Variants in ADGRD1 observed in about 807,000 individuals in gnomAD.
ADGRD1 encodes G-protein coupled receptor 133.
A neutral mutation model predicts 113.4 loss-of-function variants in ADGRD1; 77 were observed. That is an observed-to-expected ratio of 0.68 (90% CI 0.57 to 0.82). The LOEUF is 0.82. Among genes scored for constraint, ADGRD1 ranks in the 40% least tolerant of loss-of-function variants. The probability of loss-of-function intolerance (pLI) is 0.00; values close to 1 mark genes in which losing one functional copy is unlikely to be tolerated. For synonymous variants in ADGRD1, 474 were observed against 475.0 expected (o/e 1.00, Z 0.03); for missense variants, 1,036 against 1,139.1 (o/e 0.91, Z 1.30).
In ADGRD1 at chr12:131,041,007, C is replaced by T. The variant is rs1309381888; in HGVS notation, c.1473+26667C>T. On this transcript the variant is annotated intron_variant, in intron 13 of 24. Transcript: ENST00000261654. This position sits in a 1 kb window ranked among gnomAD's most constrained non-coding sequence, Gnocchi z 4.4. Reference sequence around the variant, plus strand: ...AGGACAGTGGGGCTGAATGGTGGCCCCCCCGGAGTTTGCCATCATCCCCAC... The same window carrying T: ...AGGACAGTGGGGCTGAATGGTGGCCTCCCCGGAGTTTGCCATCATCCCCAC... Among the ~76,000 whole-genome samples the T allele has an allele frequency of 2.0e-5, 3 of 152,172 alleles. No individual in the cohort carries two copies. Among genetic ancestry groups the T allele is most frequent in the Admixed American group, 6.5e-5 (1 of 15,284 alleles).
chr12:131,110,860 C>A (rs1033701795), intron 18 of ADGRD1, among the ~76,000 whole-genome samples: 1 of 152,152 alleles, frequency 6.6e-6, no homozygotes, highest in African/African-American at 2.4e-5. Context: ...CTTTATTTCA[C>A]CTTCATTTTT....
chr12:131,011,451 T>A (rs2136791880), intron 12 of ADGRD1, among the ~76,000 whole-genome samples: 1 of 152,226 alleles, frequency 6.6e-6, no homozygotes, highest in African/African-American at 2.4e-5. Context: ...CATCGCCGCT[T>A]GCCTGTGAGT....
intron 13 of ADGRD1, among the ~76,000 whole-genome samples, chr12:131,072,138 G>C (rs970018423): frequency 1.3e-5 from 2 of 151,398 alleles, no homozygotes; most frequent in African/African-American, 4.9e-5. Flanking sequence ...TTGCAGGCTG[G>C]CACCTGTGCA....
At chr12:131,033,831 G>A (rs1006924924) in intron 13 of ADGRD1, among the ~76,000 whole-genome samples, 7 of 152,168 alleles carry the variant, frequency 4.6e-5, no homozygotes, top group Non-Finnish European at 7.4e-5. Flanking sequence ...CCTGAGCCGC[G>A]TGGGTGAAGG....
chr12:130,997,348 A>T (rs1469893265), intron 8 of ADGRD1, among the ~76,000 whole-genome samples: 22 of 141,584 alleles, frequency 1.6e-4, no homozygotes, highest in Non-Finnish European at 2.4e-4. Context: ...CCGGGCGGAG[A>T]CGCTCCTCAC....
chr12:131,071,453 C>CATGTGAGTGGGAAGGGTA (rs1885164175), intron 13 of ADGRD1, among the ~76,000 whole-genome samples: 1 of 152,018 alleles, frequency 6.6e-6, no homozygotes, highest in South Asian at 2.1e-4. Flanking sequence ...GGGAAGGTGT[C>CATGTGAGTGGGAAGGGTA]ATGTGAGTGG....
intron 20 of ADGRD1, chr12:131,121,990 C>T (rs1950607551): frequency 6.6e-6 from 1 of 152,414 alleles, no homozygotes; most frequent in African/African-American, 2.4e-5. Context: ...ACACCAGGAG[C>T]TGCTGGTATG....
chr12:131,067,061 GTTAGC>G (rs1181040924), intron 13 of ADGRD1, among the ~76,000 whole-genome samples: 1 of 152,100 alleles, frequency 6.6e-6, no homozygotes, highest in East Asian at 1.9e-4. Flanking sequence ...AGTGGAGGAT[GTTAGC>G]TTCAGGTCTG....
At chr12:131,095,138 G>A (rs1382534029) in intron 15 of ADGRD1, among the ~76,000 whole-genome samples, 1 of 152,238 alleles carries the variant, frequency 6.6e-6, no homozygotes, top group Non-Finnish European at 1.5e-5. Context: ...CTCTCAGGCT[G>A]CTGGCCACCT....
chr12:131,042,300 A>G (rs1882214786), intron 13 of ADGRD1, among the ~76,000 whole-genome samples: 1 of 152,054 alleles, frequency 6.6e-6, no homozygotes, highest in Non-Finnish European at 1.5e-5. Context: ...CATCATCCCG[A>G]CAAGCCTCCC....
intron 15 of ADGRD1, among the ~76,000 whole-genome samples, chr12:131,095,971 C>CT (rs1887250806): frequency 2.6e-5 from 4 of 151,644 alleles, no homozygotes; most frequent in Non-Finnish European, 2.9e-5. Flanking sequence ...AGTGTGGAAA[C>CT]TGACGGTCAC....
Position 130,969,067 on chromosome 12 carries a change from C to T in ADGRD1, c.188-2391C>T, listed in dbSNP as rs575668001. On this transcript the variant is annotated intron_variant, in intron 3 of 24. Coordinates refer to ENST00000261654, the MANE Select transcript of ADGRD1 (RefSeq NM_198827.5). ...TCTGCCTACTCAAATCTCTCTGCAACTGTAGGTGAGCATTTATGTACTTTT... is the reference window on the plus strand; with the variant it reads ...TCTGCCTACTCAAATCTCTCTGCAATTGTAGGTGAGCATTTATGTACTTTT... The T allele has an allele frequency of 1.0e-5, 15 of 1,492,530 alleles. No homozygotes were observed. The African/African-American group carries it at 1.9e-4, about 19-fold the overall frequency. The allele number at this position is 1,492,530 out of a possible 1,614,324, so 92.5% of individuals were successfully genotyped here.
rs1406356082 is a variant in ADGRD1, at chr12:131,108,862, T to A, written c.2026T>A (p.Tyr676Asn). Residue 676 changes from tyrosine to asparagine, a missense_variant, in exon 18 of 25, where the codon TAT becomes AAT. Tyr to Asn is a moderately radical substitution (Grantham distance 143). Coordinates refer to ENST00000261654, the MANE Select transcript of ADGRD1 (RefSeq NM_198827.5). ...GSEDSKHRYY[Y>N]GMGWGFPLLI... ...GGAGGACAGCAAGCACCGTTACTACTATGGGATGGGATGGGGTAGGTGGGG... is the reference window on the plus strand; with the variant it reads ...GGAGGACAGCAAGCACCGTTACTACAATGGGATGGGATGGGGTAGGTGGGG... 2.5e-6 allele frequency: 4 copies of A among 1,608,720 alleles called. No homozygotes were observed. The highest frequency in any genetic ancestry group is 1.6e-4 in the Middle Eastern group (1 of 6,080).
At chr12:131,012,354 A>G (rs940031187) in intron 12 of ADGRD1, among the ~76,000 whole-genome samples, 1 of 151,066 alleles carries the variant, frequency 6.6e-6, no homozygotes, top group Non-Finnish European at 1.5e-5. Context: ...TAACATGGTC[A>G]CATAGAGGAA....
At chr12:131,120,441 C>T (rs866512458) in intron 19 of ADGRD1, among the ~76,000 whole-genome samples, 4 of 152,076 alleles carry the variant, frequency 2.6e-5, no homozygotes, top group Admixed American at 6.6e-5. Context: ...GAACTGACCT[C>T]GAGCTTTGGG....
At chr12:130,996,881 G>T (rs1282556303) in intron 8 of ADGRD1, among the ~76,000 whole-genome samples, 2 of 125,356 alleles carry the variant, frequency 1.6e-5, no homozygotes, top group East Asian at 2.5e-4. Context: ...CCGGGCAGAG[G>T]GGCTCCTCAC....
At chr12:131,115,412 C>A (rs957825745) in intron 18 of ADGRD1, among the ~76,000 whole-genome samples, 1 of 152,170 alleles carries the variant, frequency 6.6e-6, no homozygotes, top group Non-Finnish European at 1.5e-5. Flanking sequence ...CCCCTGTGCC[C>A]GCGTGTGGGG....
At chr12:131,042,279 C>T (rs923488457) in intron 13 of ADGRD1, among the ~76,000 whole-genome samples, 4 of 152,206 alleles carry the variant, frequency 2.6e-5, no homozygotes, top group Non-Finnish European at 5.9e-5. Context: ...CCTCCCAGAG[C>T]CCTTGGTTGG....
intron 20 of ADGRD1, among the ~76,000 whole-genome samples, chr12:131,130,994 T>C (rs1475919873): frequency 1.3e-5 from 2 of 152,182 alleles, no homozygotes; most frequent in African/African-American, 2.4e-5. Context: ...GGCCTCAGAA[T>C]TTTTCAGACA....
Sources: gnomAD v4.1 joint callset for allele counts (sites outside exome capture counted in the v4.1 genomes callset) on GRCh38, gnomAD v4.1.1 for gene constraint, Gnocchi (gnomAD v3.1) non-coding constraint, MANE v1.5 for transcripts, NCBI Gene and HGNC (gene_info 2026-07-23, HGNC 2026-07-21) for gene names.